The following ASIC2 variants were observed in gnomAD, a reference collection of about 807,000 sequenced individuals.
ASIC2 encodes the protein acid-sensing ion channel 2.
ASIC2 carries 25 observed loss-of-function variants against 57.3 expected under a neutral mutation model. That is an observed-to-expected ratio of 0.44 (90% CI 0.32 to 0.61). The LOEUF is 0.61. ASIC2 is among the 20% of genes least tolerant of loss of function. ASIC2 has a pLI of 0.06. For synonymous variants in ASIC2, 319 were observed against 307.5 expected (o/e 1.04, Z -0.39); for missense variants, 641 against 738.1 (o/e 0.87, Z 1.52).
chr17:33,739,956 A>C (rs538890736), intron 1 of ASIC2, among the ~76,000 whole-genome samples: 1 of 123,306 alleles, frequency 8.1e-6, no homozygotes, highest in East Asian at 1.9e-4. Context: ...AAAAGAAAAA[A>C]GAGAAAGAAA....
At chr17:33,113,520 G>T (rs1443918364) in intron 1 of ASIC2, among the ~76,000 whole-genome samples, 1 of 152,184 alleles carries the variant, frequency 6.6e-6, no homozygotes, top group Non-Finnish European at 1.5e-5. Flanking sequence ...ATGCTCCACT[G>T]CACTGTCCCA....
intron 3 of ASIC2, among the ~76,000 whole-genome samples, chr17:33,041,882 CCG>C (rs1446061505): frequency 6.6e-6 from 1 of 152,220 alleles, no homozygotes; most frequent in African/African-American, 2.4e-5. Flanking sequence ...GCACTATACT[CCG>C]AGAGGCCCTA....
intron 1 of ASIC2, among the ~76,000 whole-genome samples, chr17:33,870,470 G>A (rs1914374950): frequency 1.3e-5 from 2 of 151,870 alleles, no homozygotes; most frequent in African/African-American, 4.8e-5. Flanking sequence ...CAGCTGACAG[G>A]CATTTAGAGG....
intron 1 of ASIC2, among the ~76,000 whole-genome samples, chr17:33,538,535 C>T (rs1445486056): frequency 1.3e-5 from 2 of 152,166 alleles, no homozygotes; most frequent in African/African-American, 4.8e-5. Context: ...GTCACAAGGC[C>T]AGTGCTTGGC....
At position 33,164,724 on chromosome 17, in the gene ASIC2, G is replaced by T. The variant is rs1206259119; in HGVS notation, c.709-52657C>A. ...TTTGGAATCATAACCCACTTGTCAA[G>T]AATTCCTTGGAGTCAGGCCCTGTCC... On this transcript the variant is annotated intron_variant, in intron 1 of 9. Coordinates refer to ENST00000225823, the MANE Select transcript of ASIC2 (RefSeq NM_183377.2). Among the ~76,000 whole-genome samples, 5 of 152,188 alleles carry T rather than the reference G, an allele frequency of 3.3e-5. No homozygotes were observed. The East Asian group carries it at 7.7e-4, about 23-fold the overall frequency.
Position 33,380,772 on chromosome 17 carries a change from G to A in ASIC2, c.556-268705C>T, listed in dbSNP as rs374038419. Among the ~76,000 whole-genome samples the A allele has an allele frequency of 1.2e-4, 18 of 152,310 alleles. No homozygotes were observed. In the South Asian group the frequency reaches 3.5e-3, roughly 30 times the overall value. ...GTATGGGTCTGCATTTTTAAAAGGC[G>A]GAGGTTCCTTCTCAAGTGCCTCATA... is the stretch of plus-strand genomic sequence containing the variant. On this transcript the variant is annotated intron_variant, in intron 1 of 9. Coordinates refer to the ASIC2 transcript ENST00000359872.
At chr17:33,235,707 C>A (rs2142113319) in intron 1 of ASIC2, among the ~76,000 whole-genome samples, 1 of 152,242 alleles carries the variant, frequency 6.6e-6, no homozygotes, top group African/African-American at 2.4e-5. Flanking sequence ...ATGGAGGCAG[C>A]CCTGAACTCT....
intron 1 of ASIC2, among the ~76,000 whole-genome samples, chr17:33,991,427 C>A (rs1905996209): frequency 6.6e-6 from 1 of 152,160 alleles, no homozygotes; most frequent in Non-Finnish European, 1.5e-5. Flanking sequence ...CCCTTAAATC[C>A]AGATTCCCCC....
At chr17:33,918,968 A>T (rs1309960551) in intron 1 of ASIC2, among the ~76,000 whole-genome samples, 3 of 152,218 alleles carry the variant, frequency 2.0e-5, no homozygotes, top group Admixed American at 2.0e-4. Flanking sequence ...CAGGGTCGTG[A>T]TGGGCAGTCT....
At chr17:33,895,682 C>T (rs1421773304) in intron 1 of ASIC2, among the ~76,000 whole-genome samples, 1 of 152,174 alleles carries the variant, frequency 6.6e-6, no homozygotes, top group Non-Finnish European at 1.5e-5. Context: ...GTGGTTGATA[C>T]CTGGATGTCT....
At chr17:33,263,471 G>A (rs1412277338) in intron 1 of ASIC2, among the ~76,000 whole-genome samples, 1 of 152,234 alleles carries the variant, frequency 6.6e-6, no homozygotes, top group Admixed American at 6.5e-5. Flanking sequence ...GCTAGCTGGT[G>A]CTGAGCAGGG....
intron 1 of ASIC2, among the ~76,000 whole-genome samples, chr17:33,577,735 T>C (rs1485117517): frequency 1.3e-5 from 2 of 152,160 alleles, no homozygotes; most frequent in African/African-American, 2.4e-5. Flanking sequence ...GTCCCAGATA[T>C]GACTGCTCAG....
At chr17:33,793,508 T>A (rs1911830872) in intron 1 of ASIC2, 1 of 152,182 alleles carries the variant, frequency 6.6e-6, no homozygotes, top group African/African-American at 2.4e-5. Context: ...GAGCCAAGAA[T>A]CAAACTCAAG....
chr17:34,141,586 G>A lies in ASIC2; in HGVS notation c.555+14392C>T, dbSNP rs141648722. On this transcript the variant is annotated intron_variant, in intron 1 of 9. Transcript: ENST00000359872. ...GGTATTATTCTTTTCCACTTCTCTC[G>A]AGCCTAGCACAATGTCTAGAACATA... 7.8e-4 allele frequency among the ~76,000 whole-genome samples: 119 copies of A among 152,056 alleles called. 2 individuals carry two copies. In the East Asian group the frequency reaches 0.016, roughly 20 times the overall value.
intron 1 of ASIC2, among the ~76,000 whole-genome samples, chr17:34,072,984 A>G (rs1167120020): frequency 6.6e-6 from 1 of 152,258 alleles, no homozygotes; most frequent in Non-Finnish European, 1.5e-5. Flanking sequence ...GAGAAAAAAT[A>G]TACATGGAAA....
intron 1 of ASIC2, among the ~76,000 whole-genome samples, chr17:33,968,533 A>C (rs1275347043): frequency 1.3e-5 from 2 of 152,194 alleles, no homozygotes; most frequent in African/African-American, 4.8e-5. Context: ...GAAAGCCCAG[A>C]GAGATTGGGG....
intron 2 of ASIC2, among the ~76,000 whole-genome samples, chr17:33,102,309 T>A (rs1159079580): frequency 2.0e-5 from 3 of 152,250 alleles, no homozygotes; most frequent in Non-Finnish European, 4.4e-5. Context: ...CCATTGTCAC[T>A]TTGCTTTGGC....
chr17:33,898,243 T>TTTTTTG, intron 1 of ASIC2, among the ~76,000 whole-genome samples: 1 of 86,114 alleles, frequency 1.2e-5, no homozygotes, highest in Non-Finnish European at 2.3e-5. Flanking sequence ...TTTTTTTTTT[T>TTTTTTG]TTTTTTTTTT....
intron 1 of ASIC2, among the ~76,000 whole-genome samples, chr17:33,429,370 T>C (rs1013976101): frequency 7.9e-5 from 12 of 151,930 alleles, no homozygotes; most frequent in Non-Finnish European, 1.5e-4. Context: ...GCCTAGGTAG[T>C]TTTTTGTTTT....
Sources: allele counts gnomAD v4.1 joint callset (sites outside exome capture counted in the v4.1 genomes callset), GRCh38; gene constraint gnomAD v4.1.1; transcripts MANE v1.5; gene names NCBI Gene and HGNC (gene_info 2026-07-23, HGNC 2026-07-21).